Variants in SPATS2L observed in about 807,000 individuals in gnomAD.
The protein encoded by SPATS2L is SPATS2-like protein.
In SPATS2L, 30 loss-of-function variants were observed where a neutral mutation model predicts 59.6. That is an observed-to-expected ratio of 0.50 (90% CI 0.38 to 0.68). The LOEUF is 0.68. Among genes scored for constraint, SPATS2L ranks in the 30% least tolerant of loss-of-function variants. The probability of loss-of-function intolerance (pLI) is 0.00; values close to 1 mark genes in which losing one functional copy is unlikely to be tolerated. For missense variants in SPATS2L, 615 were observed against 700.0 expected (o/e 0.88, Z 1.37); for synonymous variants, 252 against 263.5 (o/e 0.96, Z 0.42).
intron 6 of SPATS2L, among the ~76,000 whole-genome samples, chr2:200,435,660 A>T (rs959354893): frequency 2.0e-5 from 3 of 151,726 alleles, no homozygotes; most frequent in Non-Finnish European, 2.9e-5. Flanking sequence ...CACTTTTCTC[A>T]TGTAGAAATT....
At chr2:200,383,980 G>A (rs2081909761) in intron 2 of SPATS2L, 3 of 1,002,384 alleles carry the variant, frequency 3.0e-6, no homozygotes, top group Non-Finnish European at 3.6e-6. Flanking sequence ...AAACAGGAGG[G>A]AGAAAGGAGA....
At chr2:200,316,544 C>G (rs946558585) in intron 1 of SPATS2L, among the ~76,000 whole-genome samples, 18 of 152,224 alleles carry the variant, frequency 1.2e-4, no homozygotes. Context: ...TTAGCGACTT[C>G]GCGGACCAAC....
At chr2:200,306,552 C>A, upstream of SPATS2L, 1 of 1,001,918 alleles carries the variant, frequency 1.0e-6, no homozygotes, top group Non-Finnish European at 1.2e-6. Flanking sequence ...GTGAGCAGCG[C>A]TGTGTTTGCG....
chr2:200,402,889 G>A (rs1021798063), intron 3 of SPATS2L, among the ~76,000 whole-genome samples: 52 of 152,164 alleles, frequency 3.4e-4, no homozygotes, highest in Non-Finnish European at 6.9e-4. Flanking sequence ...ATACAAAATT[G>A]GAAGGAATGG....
intron 5 of SPATS2L, among the ~76,000 whole-genome samples, chr2:200,417,466 A>G (rs2106004427): frequency 6.6e-6 from 1 of 152,252 alleles, no homozygotes. Flanking sequence ...GAAAGGCAGT[A>G]TTTAGACTTA....
intron 11 of SPATS2L, among the ~76,000 whole-genome samples, chr2:200,471,653 C>T (rs1000869516): frequency 2.0e-5 from 3 of 152,146 alleles, no homozygotes; most frequent in Non-Finnish European, 2.9e-5. Flanking sequence ...AATAATGACC[C>T]CATGAAACTG....
At chr2:200,432,863 A>C (rs1000722154) in intron 6 of SPATS2L, among the ~76,000 whole-genome samples, 1 of 152,210 alleles carries the variant, frequency 6.6e-6, no homozygotes, top group Non-Finnish European at 1.5e-5. Context: ...AAGACAAGTC[A>C]AAAGAAACTA....
chr2:200,399,103 T>G (rs937802867), intron 3 of SPATS2L, among the ~76,000 whole-genome samples: 1 of 152,238 alleles, frequency 6.6e-6, no homozygotes, highest in Admixed American at 6.5e-5. Context: ...ACATGAAATT[T>G]ACCCTCTTAT....
At chr2:200,396,011 GAAAAAAAA>G (rs1218853084) in intron 3 of SPATS2L, among the ~76,000 whole-genome samples, 165 of 10,582 alleles carry the variant, frequency 0.016, 3 homozygotes, top group Non-Finnish European at 0.018. Context: ...ACTCGATCTG[GAAAAAAAA>G]AAAAAAAAAA....
At chr2:200,402,719 G>A (rs905894399) in intron 3 of SPATS2L, among the ~76,000 whole-genome samples, 4 of 152,136 alleles carry the variant, frequency 2.6e-5, no homozygotes, top group Non-Finnish European at 5.9e-5. Flanking sequence ...TGTGCATTGT[G>A]ACTGACTGAA....
At chr2:200,387,240 A>G (rs948688302) in intron 2 of SPATS2L, among the ~76,000 whole-genome samples, 2 of 152,220 alleles carry the variant, frequency 1.3e-5, no homozygotes, top group South Asian at 4.1e-4. Flanking sequence ...GGCAAAAATC[A>G]CAATTACTTT....
At chr2:200,462,211 T>G (rs1434475341) in intron 9 of SPATS2L, among the ~76,000 whole-genome samples, 3 of 152,216 alleles carry the variant, frequency 2.0e-5, no homozygotes, top group Non-Finnish European at 4.4e-5. Flanking sequence ...CATCACTTTC[T>G]TAGAGGTCAA....
chr2:200,472,139 C>A (rs562719705), intron 11 of SPATS2L, among the ~76,000 whole-genome samples: 1 of 152,314 alleles, frequency 6.6e-6, no homozygotes, highest in Admixed American at 6.5e-5. Flanking sequence ...GATCAGCCTG[C>A]CTTGCCTGTA....
At chr2:200,362,251 A>G (rs2081132314) in intron 2 of SPATS2L, among the ~76,000 whole-genome samples, 1 of 152,224 alleles carries the variant, frequency 6.6e-6, no homozygotes, top group South Asian at 2.1e-4. Context: ...TTGTCTTGAA[A>G]AAAAAGAGTT....
intron 2 of SPATS2L, among the ~76,000 whole-genome samples, chr2:200,372,505 G>A (rs545964188): frequency 1.4e-4 from 22 of 152,160 alleles, no homozygotes; most frequent in African/African-American, 5.3e-4. Context: ...AAAATTTAAC[G>A]CACTGAGAAA....
intron 8 of SPATS2L, among the ~76,000 whole-genome samples, chr2:200,454,539 A>T (rs1019678530): frequency 1.3e-5 from 2 of 152,202 alleles, no homozygotes; most frequent in Admixed American, 6.5e-5. Flanking sequence ...CAGTGGAAAC[A>T]TTTTTATAAA....
chr2:200,415,297 CCTT>C (rs1361050043), intron 4 of SPATS2L, among the ~76,000 whole-genome samples: 3 of 152,244 alleles, frequency 2.0e-5, no homozygotes, highest in Admixed American at 2.0e-4. Context: ...AGCCATATGG[CCTT>C]CTGCTTATCT....
rs981518859 is a variant in SPATS2L, at chr2:200,342,538, C to G, written c.-23+13058C>G. ...CTGTGGGTCTAGTACCTTCATTTCTCATTATGTTCACACAAGTCAGGTTGT... is the reference window on the plus strand; with the variant it reads ...CTGTGGGTCTAGTACCTTCATTTCTGATTATGTTCACACAAGTCAGGTTGT... On this transcript the variant is annotated intron_variant, in intron 2 of 12. Transcript: ENST00000409140. Among the ~76,000 whole-genome samples the G allele has an allele frequency of 7.9e-5, 12 of 152,352 alleles. No homozygotes were observed. The South Asian group carries it at 2.5e-3, about 32-fold the overall frequency.
chr2:200,389,138 G>A, intron 2 of SPATS2L, 85 bp from the exon 3 acceptor site: 1 of 788,840 alleles, frequency 1.3e-6, no homozygotes, highest in East Asian at 2.7e-5. Context: ...ACCGAATGAA[G>A]TTGTTTACTG....
Sources: allele counts gnomAD v4.1 joint callset (sites outside exome capture counted in the v4.1 genomes callset), GRCh38; gene constraint gnomAD v4.1.1; transcripts MANE v1.5; gene names NCBI Gene and HGNC (gene_info 2026-07-23, HGNC 2026-07-21).